The following KRT79 variants were observed in gnomAD, a reference collection of about 807,000 sequenced individuals.
KRT79 encodes keratin, type II cytoskeletal 79.
KRT79 carries 51 observed loss-of-function variants against 49.0 expected under a neutral mutation model. The observed-to-expected ratio is 1.04, with a 90% CI of 0.83 to 1.31. The LOEUF is 1.31. KRT79 is among the 40% of genes most tolerant of loss of function. The probability of loss-of-function intolerance (pLI) is 0.00; values close to 1 mark genes in which losing one functional copy is unlikely to be tolerated. For missense variants in KRT79, 728 were observed against 688.0 expected, an observed-to-expected ratio of 1.06 and a Z score of -0.65; for synonymous variants, 312 against 286.6, an observed-to-expected ratio of 1.09 and a Z score of -0.90.
At chr12:52,822,290 C>T in intron 8 of KRT79, 55 bp downstream of exon 8, 5 of 1,572,558 alleles carry the variant, frequency 3.2e-6, no homozygotes, top group Non-Finnish European at 2.6e-6. Context: ...ATAAACTGAG[C>T]AGAGTTCTGG....
chr12:52,824,883 G>A (rs1940155893), intron 4 of KRT79, among the ~76,000 whole-genome samples: 1 of 152,128 alleles, frequency 6.6e-6, no homozygotes, highest in South Asian at 2.1e-4. Flanking sequence ...TGCATCCAAG[G>A]GCACCAGGTC....
In KRT79 at chr12:52,830,023, C is replaced by T. The variant is rs763858805; in HGVS notation, c.855G>A (p.Met285Ile). 5.6e-6 allele frequency: 9 copies of T among 1,614,082 alleles called. No individual in the cohort carries two copies. Among genetic ancestry groups the T allele is most frequent in the Non-Finnish European group, 6.8e-6 (8 of 1,179,912 alleles). ...TCTCCCTGCCCATTGGCCACCTCAC[C>T]ATTTCATAGAGTTGCTGCAGGAAGT... is the stretch of plus-strand genomic sequence containing the variant. The part of the protein sequence containing the change: ...EIDFLQQLYE[M>I]ELSQVQTHVS... Residue 285 changes from methionine to isoleucine, a missense_variant and splice_region_variant, in exon 4 of 9, where the codon ATG becomes ATA. By Grantham distance (10) the Met-to-Ile change is conservative (BLOSUM62 1). Transcript: ENST00000330553.
rs1032983382 is a variant in KRT79 at position 52,824,427 on chromosome 12, G to A, written c.856-65C>T. The A allele has an allele frequency of 1.3e-5, 20 of 1,526,726 alleles. No individual in the cohort carries two copies. The African/African-American group carries it at 2.6e-4, about 20-fold the overall frequency. The allele number at this position is 1,526,726 out of a possible 1,614,324, so 94.6% of individuals were successfully genotyped here. A position where few individuals can be genotyped will look rare whatever the true frequency, so the allele number is the denominator to read the frequency against. ...CAGGCCCCAGGAAGCATCAGAGGGTGAAGGACATGGGCCCCCAGGTAGCAT... is the reference window on the plus strand; with the variant it reads ...CAGGCCCCAGGAAGCATCAGAGGGTAAAGGACATGGGCCCCCAGGTAGCAT... On this transcript the variant is annotated intron_variant, in intron 4 of 8. Coordinates refer to ENST00000330553, the MANE Select transcript of KRT79 (RefSeq NM_175834.3).
chr12:52,826,509 T>A (rs1438285832), intron 4 of KRT79, among the ~76,000 whole-genome samples: 4 of 108,604 alleles, frequency 3.7e-5, no homozygotes, highest in African/African-American at 1.5e-4. Flanking sequence ...TGAGACCCTG[T>A]CTCAAAAAAA....
In KRT79 at chr12:52,823,197, G is replaced by T. The variant is rs777338487; in HGVS notation, c.1186C>A (p.Arg396Ser). ...GCATCCTTGAGTGCCAGCTCCCCACGCTGCTCCGCTTCCGCAATGGCCGTC... is the reference window on the plus strand; with the variant it reads ...GCATCCTTGAGTGCCAGCTCCCCACTCTGCTCCGCTTCCGCAATGGCCGTC... The part of the protein sequence containing the change: ...LQTAIAEAEQ[R>S]GELALKDAQK... Residue 396 changes from arginine (R) to serine (S), a missense_variant, in exon 7 of 9, where the codon CGT becomes AGT. Coordinates refer to ENST00000330553, the MANE Select transcript of KRT79 (RefSeq NM_175834.3). The T allele has an allele frequency of 6.2e-7, 1 of 1,614,174 alleles. No individual in the cohort carries two copies.
At position 52,822,072 on chromosome 12, in the gene KRT79, T is replaced by G; in HGVS notation, c.1408A>C (p.Thr470Pro). 1 of 1,613,820 alleles carries G rather than the reference T, an allele frequency of 6.2e-7. No individual in the cohort carries two copies. Among genetic ancestry groups the G allele is most frequent in the Non-Finnish European group, 8.5e-7 (1 of 1,180,014 alleles). ...CCGCACACAGTGGTGGAGTTGCCAG[T>G]CACAGCTGCAAAGCAAAGGGTCTGG... The part of the protein sequence containing the change: ...ECPSAVSISV[T>P]GNSTTVCGGG... The change falls in exon 9 of 9, where the codon ACT becomes CCT. Residue 470 changes from threonine to proline, a missense_variant. Coordinates refer to ENST00000330553, the MANE Select transcript of KRT79 (RefSeq NM_175834.3).
chr12:52,830,647 C>A (rs369564891), intron 2 of KRT79, among the ~76,000 whole-genome samples: 15 of 152,096 alleles, frequency 9.9e-5, no homozygotes, highest in African/African-American at 3.6e-4. Flanking sequence ...GTCATTCAAA[C>A]CAGCTAACTC....
Position 52,833,033 on chromosome 12 carries a change from C to A in KRT79, c.477+751G>T, listed in dbSNP as rs78135350. Among the ~76,000 whole-genome samples the A allele has an allele frequency of 8.6e-3, 1,307 of 152,264 alleles. 18 individuals are homozygous for A. Among genetic ancestry groups the A allele is most frequent in the African/African-American group, 0.03 (1,256 of 41,528 alleles). Reference sequence around the variant, plus strand: ...ATGACCCGCTGCCTTGGCTCAGGATCGAGGTGGACAATGCCAGCGAAACAG... The same window carrying A: ...ATGACCCGCTGCCTTGGCTCAGGATAGAGGTGGACAATGCCAGCGAAACAG... On this transcript the variant is annotated intron_variant, in intron 1 of 8. Coordinates refer to ENST00000330553, the MANE Select transcript of KRT79 (RefSeq NM_175834.3).
In KRT79 at chr12:52,824,196, AC is replaced by A. The variant is rs1565690075; in HGVS notation, c.1020+1del. 1 of 1,614,096 alleles carries A rather than the reference AC, an allele frequency of 6.2e-7. No individual in the cohort carries two copies. Among genetic ancestry groups the A allele is most frequent in the East Asian group, 2.2e-5 (1 of 44,876 alleles). ...CACACCTGAGCCAGCTATGCCTCTC[AC>A]CTTGGTCTGGTACCAGGCCTCGGCC... On this transcript the variant is annotated splice_donor_variant, in intron 5 of 8. Transcript: ENST00000330553. LOFTEE classifies it high-confidence loss of function.
chr12:52,828,819 T>G (rs964955517), intron 4 of KRT79, among the ~76,000 whole-genome samples: 13 of 152,006 alleles, frequency 8.6e-5, no homozygotes, highest in African/African-American at 3.1e-4. Context: ...CACCCCTCCA[T>G]CTTCTGAATA....
At position 52,822,350 on chromosome 12, in the gene KRT79, C is replaced by T. The variant is rs1348709022; in HGVS notation, c.1397G>A (p.Ser466Asn). 2 of 1,606,352 alleles carry T rather than the reference C, an allele frequency of 1.2e-6. No individual in the cohort carries two copies. Among genetic ancestry groups the T allele is most frequent in the Non-Finnish European group, 1.7e-6 (2 of 1,176,188 alleles). The change falls in exon 8 of 9, where the codon AGC becomes AAC. Residue 466 changes from serine to asparagine, a missense_variant. Physicochemically the swap from Ser to Asn is conservative, Grantham distance 46 (BLOSUM62 1). Transcript: ENST00000330553. Reference protein sequence around the residue: ...RMSGECPSAVSISVTGNSTTV... With the variant: ...RMSGECPSAVNISVTGNSTTV... ...AGTGGGGAGTAAATACTCACAAATG[C>T]TGACTGCACTGGGACATTCTCCAGA...
In KRT79 at chr12:52,830,303, T is replaced by A. The variant is rs762478090; in HGVS notation, c.699-11A>T. ...ATTTCATCCTCGTACCTGTTACACA[T>A]GGGAGACTCAGGCCAGGCTCAGCCT... On this transcript the variant is annotated splice_polypyrimidine_tract_variant and intron_variant, in intron 2 of 8. Transcript: ENST00000330553. 6.2e-6 allele frequency: 10 copies of A among 1,613,822 alleles called. No individual in the cohort carries two copies. In the East Asian group the frequency reaches 2.0e-4, roughly 32 times the overall value.
At chr12:52,824,891 G>A (rs1323898726) in intron 4 of KRT79, among the ~76,000 whole-genome samples, 1 of 152,190 alleles carries the variant, frequency 6.6e-6, no homozygotes, top group African/African-American at 2.4e-5. Context: ...AGGGCACCAG[G>A]TCCAGGGTGG....
chr12:52,827,966 C>G (rs1940199812), intron 4 of KRT79, among the ~76,000 whole-genome samples: 1 of 152,108 alleles, frequency 6.6e-6, no homozygotes, highest in Non-Finnish European at 1.5e-5. Flanking sequence ...CCTGGTCATC[C>G]TTGAGAGATA....
At position 52,821,578 on chromosome 12, in the gene KRT79, T is replaced by C; in HGVS notation, c.*294A>G. The C allele has an allele frequency of 2.3e-6, 1 of 437,268 alleles. No homozygotes were observed. Among genetic ancestry groups the C allele is most frequent in the Non-Finnish European group, 4.2e-6 (1 of 237,410 alleles). 27.1% of individuals were successfully genotyped at this position (437,268 alleles called of 1,614,324 possible). On this transcript the variant is annotated 3_prime_UTR_variant, in exon 9 of 9. Transcript: ENST00000330553. ...GACCACTCCCAATTTCTCTCTCTCC[T>C]AATGGCTTGAGAAATTCAGCCTCCT...
rs1011066998 is a variant in KRT79, at chr12:52,821,898, C to T, written c.1582G>A (p.Val528Ile). 3 of 1,614,106 alleles carry T rather than the reference C, an allele frequency of 1.9e-6. No homozygotes were observed. Among genetic ancestry groups the T allele is most frequent in the Non-Finnish European group, 2.5e-6 (3 of 1,180,018 alleles). The change falls in exon 9 of 9, where the codon GTC (valine) becomes ATC (isoleucine). Residue 528 changes from valine to isoleucine, a missense_variant. Val to Ile is a conservative substitution (Grantham distance 29, BLOSUM62 3). Transcript: ENST00000330553. ...TAATACCTCTGGCTGGACGTCTTGA[C>T]CGTAGTGGTCTTCCGCAGGATGGAG... is the stretch of plus-strand genomic sequence containing the variant. ...GTSILRKTTT[V>I]KTSSQRY
At position 52,822,360 on chromosome 12, in the gene KRT79, T is replaced by C. The variant is rs1356527509; in HGVS notation, c.1387A>G (p.Ser463Gly). 1 of 1,603,580 alleles carries C rather than the reference T, an allele frequency of 6.2e-7. No homozygotes were observed. Among genetic ancestry groups the C allele is most frequent in the African/African-American group, 1.3e-5 (1 of 74,890 alleles). The change falls in exon 8 of 9, where the codon AGT becomes GGT. Residue 463 changes from serine (S) to glycine (G), a missense_variant. Ser to Gly is a moderately conservative substitution (Grantham distance 56). Coordinates refer to ENST00000330553, the MANE Select transcript of KRT79 (RefSeq NM_175834.3). ...EESRMSGECP[S>G]AVSISVTGNS... ...AAATACTCACAAATGCTGACTGCAC[T>C]GGGACATTCTCCAGACATCCTAGGG...
At position 52,821,831 on chromosome 12, in the gene KRT79, G is replaced by A. The variant is rs762968948; in HGVS notation, c.*41C>T. 3.8e-6 allele frequency: 6 copies of A among 1,572,198 alleles called. No individual in the cohort carries two copies. The South Asian group carries it at 6.7e-5, about 18-fold the overall frequency. ...AGGACAGCAGAGGTGGGGTGAGGAG[G>A]GCAGGGACAGGATTGCAGGGGCCCT... On this transcript the variant is annotated 3_prime_UTR_variant, in exon 9 of 9. Transcript: ENST00000330553.
chr12:52,822,018 TGCCACCTCCAAAGCTGGCTGC>T lies in KRT79; in HGVS notation c.1441_1461del (p.Ala481_Gly487del), dbSNP rs772639263. The T allele has an allele frequency of 2.5e-5, 41 of 1,614,068 alleles. No individual in the cohort carries two copies. The African/African-American group carries it at 4.3e-4, about 17-fold the overall frequency. ...GCCCCCCCACTCCCACCCAGGGAGA[TGCCACCTCCAAAGCTGGCTGC>T]GCCACCTCCGCACACAGTGGTGGAG... On this transcript the variant is annotated inframe_deletion, in exon 9 of 9. Transcript: ENST00000330553.
Sources: allele counts gnomAD v4.1 joint callset (sites outside exome capture counted in the v4.1 genomes callset), GRCh38; gene constraint gnomAD v4.1.1; transcripts MANE v1.5; gene names NCBI Gene and HGNC (gene_info 2026-07-23, HGNC 2026-07-21).